Variants in LPP observed in about 807,000 individuals in gnomAD.
LPP encodes the protein lipoma-preferred partner.
A neutral mutation model predicts 60.4 loss-of-function variants in LPP; 38 were observed. The ratio of observed to expected loss-of-function variants is 0.63; its 90% CI spans 0.49 to 0.83. The LOEUF is 0.83. Ranked by LOEUF, LPP falls within the 40% of genes least tolerant of loss-of-function variation. LPP has a pLI of 0.00. For synonymous variants in LPP, 328 were observed against 290.8 expected (o/e 1.13, Z -1.30); for missense variants, 902 against 783.6 (o/e 1.15, Z -1.80).
chr3:188,817,683 A>G (rs994578314), intron 9 of LPP, among the ~76,000 whole-genome samples: 13 of 152,194 alleles, frequency 8.5e-5, no homozygotes, highest in African/African-American at 3.1e-4. Context: ...GATGGAGAGG[A>G]GACCTGTTTG....
chr3:188,754,483 C>T (rs974218982), intron 8 of LPP, among the ~76,000 whole-genome samples: 2 of 152,088 alleles, frequency 1.3e-5, no homozygotes, highest in Non-Finnish European at 2.9e-5. Flanking sequence ...CCTGTTTGGG[C>T]GATACTTGTC....
chr3:188,327,157 G>A (rs1758649505), intron 2 of LPP, among the ~76,000 whole-genome samples: 1 of 152,154 alleles, frequency 6.6e-6, no homozygotes, highest in South Asian at 2.1e-4. Context: ...CCTGGCCAAA[G>A]ACTGATTCTT....
At chr3:188,738,722 G>A (rs1723373770) in intron 8 of LPP, among the ~76,000 whole-genome samples, 1 of 152,016 alleles carries the variant, frequency 6.6e-6, no homozygotes, top group South Asian at 2.1e-4. Flanking sequence ...TTGGATCCCT[G>A]GTGCTATGTG....
intron 8 of LPP, among the ~76,000 whole-genome samples, chr3:188,751,069 G>A (rs1727919211): frequency 6.6e-6 from 1 of 152,150 alleles, no homozygotes; most frequent in Non-Finnish European, 1.5e-5. Flanking sequence ...ATAAGATAAA[G>A]CACTAGACAA....
rs571381753 is a variant in LPP, at chr3:188,249,662, T to C, written c.-67+24135T>C. On this transcript the variant is annotated intron_variant, in intron 2 of 11. Coordinates refer to ENST00000617246, the MANE Select transcript of LPP (RefSeq NM_001375462.1). ...CCTCTCCTCTTTCTGATGGTTTTTTTCTTAACTTTTTATTGTAAATGATTT... is the reference window on the plus strand; with the variant it reads ...CCTCTCCTCTTTCTGATGGTTTTTTCCTTAACTTTTTATTGTAAATGATTT... Among the ~76,000 whole-genome samples, 7 of 152,104 alleles carry C rather than the reference T, an allele frequency of 4.6e-5. No individual in the cohort carries two copies. In the South Asian group the frequency reaches 1.4e-3, roughly 32 times the overall value.
At chr3:188,743,410 G>A (rs1725109891) in intron 8 of LPP, among the ~76,000 whole-genome samples, 2 of 152,046 alleles carry the variant, frequency 1.3e-5, no homozygotes, top group Middle Eastern at 3.4e-3. Context: ...TGTCCACCCA[G>A]AGGAAGAGAA....
intron 2 of LPP, among the ~76,000 whole-genome samples, chr3:188,295,851 A>AT (rs144396590): frequency 2.0e-5 from 3 of 152,048 alleles, no homozygotes; most frequent in Non-Finnish European, 4.4e-5. Flanking sequence ...AGTGAGAATT[A>AT]TTTTTTTCTT....
chr3:188,240,133 G>T (rs751434414), intron 2 of LPP: 1 of 190,714 alleles, frequency 5.2e-6, no homozygotes. Flanking sequence ...TGGAGAGACT[G>T]CTGGACCCTT....
At chr3:188,291,038 G>A (rs1745754836) in intron 2 of LPP, among the ~76,000 whole-genome samples, 1 of 152,184 alleles carries the variant, frequency 6.6e-6, no homozygotes, top group South Asian at 2.1e-4. Flanking sequence ...TTTTTGAAAG[G>A]TAATACATTC....
At position 188,199,378 on chromosome 3, in the gene LPP, T is replaced by C. The variant is rs552489091; in HGVS notation, c.-189-26027T>C. 6.6e-5 allele frequency among the ~76,000 whole-genome samples: 10 copies of C among 152,192 alleles called. No individual in the cohort carries two copies. In the South Asian group the frequency reaches 1.9e-3, roughly 28 times the overall value. ...GGGGTGGCCAAGTTCTGGAAGAGCA[T>C]GTGGGACGGAAAATTTGCTGGAGCC... On this transcript the variant is annotated intron_variant, in intron 1 of 11. Transcript: ENST00000617246.
intron 8 of LPP, among the ~76,000 whole-genome samples, chr3:188,730,056 A>G (rs558812366): frequency 1.3e-5 from 2 of 152,340 alleles, no homozygotes; most frequent in East Asian, 3.9e-4. Context: ...TGATGTTTTA[A>G]AAGTACATAT....
intron 6 of LPP, among the ~76,000 whole-genome samples, chr3:188,573,128 G>T (rs1314856118): frequency 6.6e-6 from 1 of 152,026 alleles, no homozygotes; most frequent in African/African-American, 2.4e-5. Context: ...TGCTTTAGAT[G>T]GGTAGAGTCC....
intron 7 of LPP, among the ~76,000 whole-genome samples, chr3:188,613,785 G>A (rs1844322289): frequency 1.3e-5 from 2 of 151,972 alleles, no homozygotes; most frequent in Admixed American, 1.3e-4. Context: ...GTAATGAACT[G>A]TTGTGGTCAG....
chr3:188,161,267 G>T (rs975701784), intron 1 of LPP, among the ~76,000 whole-genome samples: 1 of 152,162 alleles, frequency 6.6e-6, no homozygotes, highest in Non-Finnish European at 1.5e-5. Context: ...AAGACCAGAG[G>T]CAGAGTCCCA....
At chr3:188,575,681 C>A (rs1560584627) in intron 6 of LPP, among the ~76,000 whole-genome samples, 1 of 152,110 alleles carries the variant, frequency 6.6e-6, no homozygotes, top group Non-Finnish European at 1.5e-5. Context: ...GTGGCAAGAA[C>A]ACGGTTACCC....
intron 1 of LPP, among the ~76,000 whole-genome samples, chr3:188,213,526 C>A (rs1712149516): frequency 6.6e-6 from 1 of 152,162 alleles, no homozygotes; most frequent in African/African-American, 2.4e-5. Flanking sequence ...ACTGTCCACA[C>A]TTACTAATCT....
At chr3:188,558,335 A>G (rs1490500769) in intron 6 of LPP, among the ~76,000 whole-genome samples, 2 of 152,002 alleles carry the variant, frequency 1.3e-5, no homozygotes, top group Non-Finnish European at 2.9e-5. Context: ...TGTTCGTATC[A>G]TCTACCTGCA....
intron 7 of LPP, among the ~76,000 whole-genome samples, chr3:188,690,930 T>TCTCTCATGA (rs1349614881): frequency 1.3e-5 from 2 of 151,886 alleles, no homozygotes; most frequent in Non-Finnish European, 2.9e-5. Flanking sequence ...TTATGGGTTA[T>TCTCTCATGA]CTCTCATGAC....
chr3:188,776,117 G>T (rs553741965), intron 9 of LPP, among the ~76,000 whole-genome samples: 9 of 152,232 alleles, frequency 5.9e-5, no homozygotes, highest in African/African-American at 2.2e-4. Context: ...TGAATGAGAA[G>T]TATCAGACAT....
Sources: gnomAD v4.1 joint callset for allele counts (sites outside exome capture counted in the v4.1 genomes callset) on GRCh38, gnomAD v4.1.1 for gene constraint, MANE v1.5 for transcripts, NCBI Gene and HGNC (gene_info 2026-07-23, HGNC 2026-07-21) for gene names.